Variants in CCSER1 observed in about 807,000 individuals in gnomAD.
CCSER1 encodes the protein coiled-coil serine rich protein 1, also known as serine-rich coiled-coil domain-containing protein 1.
A neutral mutation model predicts 82.0 loss-of-function variants in CCSER1; 41 were observed. The ratio of observed to expected loss-of-function variants is 0.50; its 90% CI spans 0.39 to 0.65. The LOEUF (loss-of-function observed/expected upper bound fraction) is 0.65, where lower values mean the gene tolerates loss of function less well. Ranked by LOEUF, CCSER1 falls within the 30% of genes least tolerant of loss-of-function variation. The pLI, the probability that CCSER1 is intolerant of heterozygous loss-of-function variation, is 0.00. For synonymous variants in CCSER1, 414 were observed against 383.9 expected, an observed-to-expected ratio of 1.08 and a Z score of -0.92; for missense variants, 1,119 against 1,064.2, an observed-to-expected ratio of 1.05 and a Z score of -0.72.
intron 10 of CCSER1, among the ~76,000 whole-genome samples, chr4:91,436,240 A>C (rs1278253155): frequency 2.0e-5 from 3 of 152,146 alleles, no homozygotes; most frequent in African/African-American, 7.2e-5. Context: ...GATTTATTTC[A>C]GTTCCTCAAA....
At chr4:91,333,947 T>C (rs1027166556) in intron 10 of CCSER1, among the ~76,000 whole-genome samples, 1 of 152,058 alleles carries the variant, frequency 6.6e-6, no homozygotes, top group African/African-American at 2.4e-5. Flanking sequence ...TAATTTTTTC[T>C]TACAATAGAA....
At chr4:90,757,506 T>G (rs1466599579) in intron 7 of CCSER1, among the ~76,000 whole-genome samples, 1 of 152,330 alleles carries the variant, frequency 6.6e-6, no homozygotes, top group East Asian at 1.9e-4. Context: ...TTTGGTCTAT[T>G]GGGCCTTGTA....
intron 9 of CCSER1, chr4:91,015,331 A>G (rs1739334639): frequency 6.6e-6 from 1 of 152,036 alleles, no homozygotes; most frequent in Non-Finnish European, 1.5e-5. Context: ...TCAAATATTC[A>G]TTTTTTAATC....
At chr4:90,461,031 G>C (rs10008616) in intron 4 of CCSER1, among the ~76,000 whole-genome samples, 49 of 113,862 alleles carry the variant, frequency 4.3e-4, no homozygotes, top group African/African-American at 7.7e-4. Flanking sequence ...TCTTGTTCCT[G>C]TACTTAGGTG....
At chr4:90,255,377 A>C (rs1333440615) in intron 1 of CCSER1, among the ~76,000 whole-genome samples, 1 of 152,148 alleles carries the variant, frequency 6.6e-6, no homozygotes, top group Non-Finnish European at 1.5e-5. Context: ...TGGAATGATT[A>C]ATGATATCAA....
chr4:90,885,117 T>C (rs887936125), intron 8 of CCSER1, among the ~76,000 whole-genome samples: 3 of 152,180 alleles, frequency 2.0e-5, no homozygotes, highest in African/African-American at 7.2e-5. Context: ...GAAAAACTTA[T>C]AGTAAGACAA....
intron 10 of CCSER1, among the ~76,000 whole-genome samples, chr4:91,316,436 T>C (rs1392326169): frequency 6.6e-6 from 1 of 152,032 alleles, no homozygotes; most frequent in Non-Finnish European, 1.5e-5. Context: ...AAGCAAGAAC[T>C]GTGTTTGAAA....
chr4:91,266,353 C>T (rs1027608740), intron 10 of CCSER1, among the ~76,000 whole-genome samples: 9 of 151,700 alleles, frequency 5.9e-5, no homozygotes, highest in African/African-American at 1.5e-4. Flanking sequence ...CCTGGGTTCA[C>T]GCCATTCTCC....
intron 8 of CCSER1, among the ~76,000 whole-genome samples, chr4:90,851,393 T>C (rs1763864058): frequency 7.3e-6 from 1 of 137,188 alleles, no homozygotes; most frequent in South Asian, 2.4e-4. Flanking sequence ...CTAGGGATGA[T>C]AACCTTTCCT....
intron 5 of CCSER1, among the ~76,000 whole-genome samples, chr4:90,552,677 G>T (rs1391108419): frequency 6.6e-6 from 1 of 152,000 alleles, no homozygotes; most frequent in Non-Finnish European, 1.5e-5. Context: ...GGCTGATCTT[G>T]AACTCCTGAG....
chr4:91,069,760 A>G lies in CCSER1; in HGVS notation c.2173-16190A>G, dbSNP rs1309702769. ...TTTGACACAGGAAATTTAAACTGAG[A>G]TTTGAAGGGCAAAGGGATAACCCTA... On this transcript the variant is annotated intron_variant, in intron 9 of 10. Transcript: ENST00000509176. Among the ~76,000 whole-genome samples, 4 of 152,278 alleles carry G rather than the reference A, an allele frequency of 2.6e-5. No individual in the cohort carries two copies. In the East Asian group the frequency reaches 7.7e-4, roughly 29 times the overall value.
At chr4:90,675,421 A>G (rs1004993353) in intron 6 of CCSER1, among the ~76,000 whole-genome samples, 13 of 151,992 alleles carry the variant, frequency 8.6e-5, no homozygotes, top group African/African-American at 3.1e-4. Context: ...AGCTAGTTAT[A>G]GCTGAGTTTA....
intron 10 of CCSER1, among the ~76,000 whole-genome samples, chr4:91,476,209 C>A (rs917091916): frequency 3.3e-5 from 5 of 151,682 alleles, no homozygotes; most frequent in Non-Finnish European, 5.9e-5. Context: ...TTTTGAGAAA[C>A]TGCCATATTG....
intron 3 of CCSER1, among the ~76,000 whole-genome samples, chr4:90,366,634 C>G (rs1578134872): frequency 6.6e-6 from 1 of 151,800 alleles, no homozygotes; most frequent in African/African-American, 2.4e-5. Context: ...TGACCATCAT[C>G]TCATTCTCCC....
chr4:90,233,446 G>A (rs1489955827), intron 1 of CCSER1, among the ~76,000 whole-genome samples: 2 of 152,038 alleles, frequency 1.3e-5, no homozygotes, highest in Non-Finnish European at 2.9e-5. Flanking sequence ...ACACAGGAAG[G>A]GGAACATCAC....
intron 10 of CCSER1, among the ~76,000 whole-genome samples, chr4:91,501,462 T>TTACA (rs1187167921): frequency 6.6e-6 from 1 of 152,026 alleles, no homozygotes; most frequent in African/African-American, 2.4e-5. Context: ...ATTTGACATT[T>TTACA]TACATTTACT....
intron 6 of CCSER1, among the ~76,000 whole-genome samples, chr4:90,691,661 A>G (rs946915600): frequency 2.0e-5 from 3 of 150,814 alleles, no homozygotes; most frequent in Non-Finnish European, 4.4e-5. Context: ...ACACACATGC[A>G]TATGTACGTG....
Position 90,313,276 on chromosome 4 carries a change from A to G in CCSER1, c.1509+229A>G, listed in dbSNP as rs536905097. 2.6e-5 allele frequency among the ~76,000 whole-genome samples: 4 copies of G among 152,302 alleles called. No individual in the cohort carries two copies. The East Asian group carries it at 7.7e-4, about 29-fold the overall frequency. ...GTTCCTGTCTTCCTTGCTTCCATGG[A>G]AAGTTTGACATTCTTTATTCTAGAA... is the stretch of plus-strand genomic sequence containing the variant. On this transcript the variant is annotated intron_variant, in intron 3 of 10. Coordinates refer to ENST00000509176, the MANE Select transcript of CCSER1 (RefSeq NM_001145065.2).
intron 7 of CCSER1, among the ~76,000 whole-genome samples, chr4:90,753,140 A>T (rs1032407223): frequency 6.6e-6 from 1 of 152,158 alleles, no homozygotes; most frequent in Non-Finnish European, 1.5e-5. Context: ...TTCAACAAAG[A>T]ACAGTAAATT....
Sources: gnomAD v4.1 joint callset for allele counts (sites outside exome capture counted in the v4.1 genomes callset) on GRCh38, gnomAD v4.1.1 for gene constraint, MANE v1.5 for transcripts, NCBI Gene and HGNC (gene_info 2026-07-23, HGNC 2026-07-21) for gene names.